The following MTO1 variants were observed in gnomAD, a reference collection of about 807,000 sequenced individuals.
MTO1 encodes 5-taurinomethyluridine-[tRNA] synthase subunit MTO1, mitochondrial.
MTO1 carries 46 observed loss-of-function variants against 71.6 expected under a neutral mutation model. That is an observed-to-expected ratio of 0.64 (90% CI 0.51 to 0.82). The LOEUF (loss-of-function observed/expected upper bound fraction) is 0.82, where lower values mean the gene tolerates loss of function less well. MTO1 is among the 40% of genes least tolerant of loss of function. The pLI, the probability that MTO1 is intolerant of heterozygous loss-of-function variation, is 0.00. For synonymous variants in MTO1, 297 were observed against 312.1 expected (o/e 0.95, Z 0.51); for missense variants, 773 against 867.5 (o/e 0.89, Z 1.37).
At chr6:73,474,891 G>T (rs1771267330) in intron 4 of MTO1, among the ~76,000 whole-genome samples, 1 of 151,766 alleles carries the variant, frequency 6.6e-6, no homozygotes, top group Admixed American at 6.6e-5. Flanking sequence ...GAGTAGCTGG[G>T]ATTACAGGCT....
At chr6:73,480,939 T>C in intron 7 of MTO1, 134 bp downstream of exon 7, 1 of 830,814 alleles carries the variant, frequency 1.2e-6, no homozygotes, top group Non-Finnish European at 1.8e-6. Flanking sequence ...TGTTTCAGGG[T>C]GTTTGGAGAT....
In MTO1 at chr6:73,479,588, C is replaced by T. The variant is rs924063967; in HGVS notation, c.826-144C>T. 5 of 548,466 alleles carry T rather than the reference C, an allele frequency of 9.1e-6. No individual in the cohort carries two copies. In the Admixed American group the frequency reaches 1.5e-4, roughly 16 times the overall value. 34.0% of individuals were successfully genotyped at this position (548,466 alleles called of 1,614,324 possible). On this transcript the variant is annotated intron_variant, in intron 4 of 11. Transcript: ENST00000498286. ...CATCTTTTGGGATGTTTATTTTTGG[C>T]AAGAATACTTCATAAGTAATACTAG...
chr6:73,474,179 G>A (rs1582678621), intron 4 of MTO1, among the ~76,000 whole-genome samples: 3 of 151,866 alleles, frequency 2.0e-5, no homozygotes, highest in Admixed American at 1.3e-4. Flanking sequence ...TGCAACGTCT[G>A]CCTCCTGGGT....
chr6:73,498,794 G>A (rs546309347), intron 11 of MTO1, among the ~76,000 whole-genome samples: 7 of 151,316 alleles, frequency 4.6e-5, no homozygotes, highest in Admixed American at 2.6e-4. Context: ...GAACGATCTC[G>A]GCTCACTGCA....
Position 73,489,098 on chromosome 6 carries a change from C to CAT in MTO1, c.1638-3133_1638-3132dup, listed in dbSNP as rs1771737038. The stretch of plus-strand genomic sequence containing the variant: ...AAGGCCTTTCCTTAGGTCTTTAATA[C>CAT]ATATTGTGTTGATTTTTGTATATGA... On this transcript the variant is annotated intron_variant, in intron 9 of 11. Coordinates refer to ENST00000498286, the MANE Select transcript of MTO1 (RefSeq NM_012123.4). Among the ~76,000 whole-genome samples, 3 of 152,140 alleles carry CAT rather than the reference C, an allele frequency of 2.0e-5. No individual in the cohort carries two copies. The South Asian group carries it at 6.2e-4, about 31-fold the overall frequency.
chr6:73,462,764 T>G (rs1293172649), intron 1 of MTO1, among the ~76,000 whole-genome samples: 1 of 152,018 alleles, frequency 6.6e-6, no homozygotes, highest in Non-Finnish European at 1.5e-5. Context: ...AAAAAATCCT[T>G]TATTAAACGG....
At chr6:73,482,789 CTTTTT>C (rs35121302) in intron 9 of MTO1, among the ~76,000 whole-genome samples, 169 bp downstream of exon 9, 1 of 92,148 alleles carries the variant, frequency 1.1e-5, no homozygotes, top group Non-Finnish European at 2.0e-5. Flanking sequence ...TTTTTTCTTT[CTTTTT>C]TTTTTTTTTT....
chr6:73,469,570 C>T (rs758121865), intron 3 of MTO1, among the ~76,000 whole-genome samples: 4 of 152,010 alleles, frequency 2.6e-5, no homozygotes, highest in East Asian at 1.9e-4. Context: ...TGCAGTGAGC[C>T]GAGATCGTGC....
rs751392916 is a variant in MTO1, at chr6:73,466,610, C to T, written c.535+4C>T. The T allele has an allele frequency of 6.2e-6, 10 of 1,607,048 alleles. No homozygotes were observed. The highest frequency in any genetic ancestry group is 2.2e-5 in the South Asian group (2 of 90,922). ...CGTGTCAGTGGGGTTGTTTTGGGTA[C>T]GTATTGGTTATAGATGGTGTATGAT... On this transcript the variant is annotated splice_donor_region_variant and intron_variant, in intron 3 of 11. Coordinates refer to ENST00000498286, the MANE Select transcript of MTO1 (RefSeq NM_012123.4).
intron 4 of MTO1, among the ~76,000 whole-genome samples, 196 bp from the exon 5 acceptor site, chr6:73,479,532 TTAGA>T: frequency 6.6e-6 from 1 of 152,194 alleles, no homozygotes; most frequent in Non-Finnish European, 1.5e-5. Flanking sequence ...AAACTGCTAG[TTAGA>T]TTTAGAGTTT....
chr6:73,466,485 A>T lies in MTO1; in HGVS notation c.418-4A>T, dbSNP rs937752723. Reference sequence around the variant, plus strand: ...ATGTTTCAACTGGCATTTTCTTTTGACAGAAAGAAATCTTGAATACACCAC... The same window carrying T: ...ATGTTTCAACTGGCATTTTCTTTTGTCAGAAAGAAATCTTGAATACACCAC... On this transcript the variant is annotated splice_polypyrimidine_tract_variant and splice_region_variant and intron_variant, in intron 2 of 11. Coordinates refer to ENST00000498286, the MANE Select transcript of MTO1 (RefSeq NM_012123.4). The T allele has an allele frequency of 6.2e-7, 1 of 1,613,492 alleles. No homozygotes were observed. The highest frequency in any genetic ancestry group is 8.5e-7 in the Non-Finnish European group (1 of 1,179,418).
intron 1 of MTO1, among the ~76,000 whole-genome samples, chr6:73,462,957 G>A (rs1396407476): frequency 1.5e-4 from 22 of 151,398 alleles, no homozygotes; most frequent in Admixed American, 1.4e-3. Context: ...TCAGTACTCT[G>A]CCCAGCCTGA....
Position 73,503,623 on chromosome 6 carries a change from G to C in MTO1, c.*2888G>C, listed in dbSNP as rs1319430839. On this transcript the variant is annotated 3_prime_UTR_variant, in exon 12 of 12. Coordinates refer to ENST00000498286, the MANE Select transcript of MTO1 (RefSeq NM_012123.4). ...TGACAATAATCAGCTGCCAACGAAA[G>C]CTGGCCATACTTGTGACTTCCTCTA... 6.6e-6 allele frequency: 1 copy of C among 152,160 alleles called. No individual in the cohort carries two copies. The highest frequency in any genetic ancestry group is 2.4e-5 in the African/African-American group (1 of 41,432). The allele number at this position is 152,160 out of a possible 1,614,324, so 9.4% of individuals were successfully genotyped here. A position where few individuals can be genotyped will look rare whatever the true frequency, so the allele number is the denominator to read the frequency against.
At chr6:73,476,484 A>C (rs1473374119) in intron 4 of MTO1, among the ~76,000 whole-genome samples, 2 of 152,096 alleles carry the variant, frequency 1.3e-5, no homozygotes, top group African/African-American at 4.8e-5. Context: ...AAAAGTTGTA[A>C]GACTTTTCTC....
At position 73,508,321 on chromosome 6, in the gene MTO1, T is replaced by A. The variant is rs1283275351; in HGVS notation, c.*7586T>A. On this transcript the variant is annotated 3_prime_UTR_variant, in exon 12 of 12. Coordinates refer to ENST00000498286, the MANE Select transcript of MTO1 (RefSeq NM_012123.4). ...TGGCTTGTAATTAAGTCATTTTTAGTCTTTAATTATGTTGGTTGCTTTTAG... is the reference window on the plus strand; with the variant it reads ...TGGCTTGTAATTAAGTCATTTTTAGACTTTAATTATGTTGGTTGCTTTTAG... 1 of 152,204 alleles carries A rather than the reference T, an allele frequency of 6.6e-6. No individual in the cohort carries two copies. Among genetic ancestry groups the A allele is most frequent in the East Asian group, 1.9e-4 (1 of 5,202 alleles). 9.4% of individuals were successfully genotyped at this position (152,204 alleles called of 1,614,324 possible). A position where few individuals can be genotyped will look rare whatever the true frequency, so the allele number is the denominator to read the frequency against.
intron 3 of MTO1, 28 bp downstream of exon 3, chr6:73,466,634 A>G (rs747627618): frequency 1.9e-6 from 3 of 1,551,270 alleles, no homozygotes; most frequent in South Asian, 1.1e-5. Context: ...ATGGTGTATG[A>G]TAACAGCATA....
At chr6:73,469,536 C>T (rs373915339) in intron 3 of MTO1, among the ~76,000 whole-genome samples, 11 of 152,230 alleles carry the variant, frequency 7.2e-5, no homozygotes, top group Admixed American at 5.9e-4. Flanking sequence ...GCAAGAGAAT[C>T]GCTTGAACCC....
At position 73,482,447 on chromosome 6, in the gene MTO1, A is replaced by T; in HGVS notation, c.1466-2A>T. The T allele has an allele frequency of 6.2e-7, 1 of 1,607,092 alleles. No individual in the cohort carries two copies. The highest frequency in any genetic ancestry group is 2.2e-5 in the East Asian group (1 of 44,856). ...ATTATATTCTCTTTCTCCCTTCCCTAGGGTATAAAGACGCTGGCTGTGTGT... is the reference window on the plus strand; with the variant it reads ...ATTATATTCTCTTTCTCCCTTCCCTTGGGTATAAAGACGCTGGCTGTGTGT... On this transcript the variant is annotated splice_acceptor_variant, in intron 8 of 11. Transcript: ENST00000498286. LOFTEE classifies it high-confidence loss of function.
chr6:73,491,450 T>A (rs1771803082), intron 9 of MTO1, among the ~76,000 whole-genome samples: 2 of 151,946 alleles, frequency 1.3e-5, no homozygotes, highest in Non-Finnish European at 2.9e-5. Context: ...CCCTATATCA[T>A]TTTTATCAGT....
Sources: gnomAD v4.1 joint callset for allele counts (sites outside exome capture counted in the v4.1 genomes callset) on GRCh38, gnomAD v4.1.1 for gene constraint, MANE v1.5 for transcripts, NCBI Gene and HGNC (gene_info 2026-07-23, HGNC 2026-07-21) for gene names.